PEBP4: variants seen among roughly 807,000 people sequenced by gnomAD.
PEBP4 encodes phosphatidylethanolamine-binding protein 4.
Under a neutral mutation model 23.9 loss-of-function variants are expected in PEBP4, and 22 were observed. The ratio of observed to expected loss-of-function variants is 0.92; its 90% CI spans 0.66 to 1.31. The LOEUF (loss-of-function observed/expected upper bound fraction) is 1.31, where lower values mean the gene tolerates loss of function less well. Ranked by LOEUF, PEBP4 falls within the 40% of genes most tolerant of loss-of-function variation. The pLI is 0.00. For missense variants in PEBP4, 324 were observed against 281.7 expected (o/e 1.15, Z -1.07); for synonymous variants, 112 against 99.3 (o/e 1.13, Z -0.76).
chr8:22,728,555 T>TTCCTTC (rs1563196300), intron 4 of PEBP4, among the ~76,000 whole-genome samples: 65 of 69,464 alleles, frequency 9.4e-4, no homozygotes, highest in African/African-American at 3.5e-3. Context: ...TTTCTTTCTT[T>TTCCTTC]CTTTCTTCCT....
chr8:22,744,269 G>A (rs1041528958), intron 4 of PEBP4, among the ~76,000 whole-genome samples: 2 of 152,216 alleles, frequency 1.3e-5, no homozygotes, highest in Non-Finnish European at 2.9e-5. Context: ...GAGGGAGGTG[G>A]GATGAGCAGA....
rs1312039733 is a variant in PEBP4, at chr8:22,850,879, A to G, written c.259-33144T>C. ...GATCCAAGTTTAGAAAAGAGTTGGA[A>G]TAGACTTGGGTTCAGACACGGCTTC... On this transcript the variant is annotated intron_variant, in intron 3 of 6. Transcript: ENST00000256404. Among the ~76,000 whole-genome samples, 3 of 152,216 alleles carry G rather than the reference A, an allele frequency of 2.0e-5. No homozygotes were observed. The East Asian group carries it at 5.8e-4, about 29-fold the overall frequency.
rs192783831 is a variant in PEBP4 at position 22,719,091 on chromosome 8, G to T, written c.518-5555C>A. 1.2e-3 allele frequency among the ~76,000 whole-genome samples: 187 copies of T among 152,282 alleles called. 1 individual carries two copies. Among genetic ancestry groups the T allele is most frequent in the African/African-American group, 4.3e-3 (178 of 41,544 alleles). ...CGTCTCTCCTCTCTGACCCCTGTGG[G>T]TGGGTGGTTCCACCTCTGAGCTGCC... is the stretch of plus-strand genomic sequence containing the variant. On this transcript the variant is annotated intron_variant, in intron 6 of 6. Coordinates refer to ENST00000256404, the MANE Select transcript of PEBP4 (RefSeq NM_144962.3).
chr8:22,852,460 A>G lies in PEBP4; in HGVS notation c.259-34725T>C, dbSNP rs559829382. Among the ~76,000 whole-genome samples, 89 of 152,276 alleles carry G rather than the reference A, an allele frequency of 5.8e-4. 2 individuals carry two copies. The highest frequency in any genetic ancestry group is 5.8e-3 in the South Asian group (28 of 4,816). On this transcript the variant is annotated intron_variant, in intron 3 of 6. Transcript: ENST00000256404. ...CCTGATTTCTTTCCCAAACCCATGT[A>G]AAAAGGAGCAAGCCTGGGTCTCCTT...
chr8:22,901,737 G>A (rs897782268), intron 3 of PEBP4, among the ~76,000 whole-genome samples: 1 of 152,178 alleles, frequency 6.6e-6, no homozygotes, highest in Non-Finnish European at 1.5e-5. Context: ...AGTAACTCTG[G>A]CCACTGTTGA....
chr8:22,713,754 CA>C (rs1305191521), intron 6 of PEBP4, among the ~76,000 whole-genome samples: 1 of 152,354 alleles, frequency 6.6e-6, no homozygotes, highest in Admixed American at 6.5e-5. Context: ...GCCTGCTCCC[CA>C]GAGGGCAATG....
At chr8:22,828,885 A>G (rs1477768120) in intron 3 of PEBP4, among the ~76,000 whole-genome samples, 1 of 151,998 alleles carries the variant, frequency 6.6e-6, no homozygotes, top group African/African-American at 2.4e-5. Context: ...ATCGACTTCC[A>G]TAGCTACACC....
chr8:22,924,993 G>C, intron 2 of PEBP4: 1 of 985,302 alleles, frequency 1.0e-6, no homozygotes, highest in Non-Finnish European at 1.2e-6. Context: ...CCCACAAGAG[G>C]AGTGCCTTCT....
At chr8:22,932,099 A>G (rs1200982495), upstream of PEBP4, among the ~76,000 whole-genome samples, 2 of 152,218 alleles carry the variant, frequency 1.3e-5, no homozygotes, top group African/African-American at 2.4e-5. Context: ...CCCAGGAGCC[A>G]TGGGGGAAAA....
At chr8:22,940,008 A>G (rs1331123022) in intron 1 of PEBP4, among the ~76,000 whole-genome samples, 2 of 152,252 alleles carry the variant, frequency 1.3e-5, no homozygotes, top group Non-Finnish European at 2.9e-5. Flanking sequence ...GGGCTATGAA[A>G]TGGTGGTGCC....
intron 3 of PEBP4, among the ~76,000 whole-genome samples, chr8:22,892,504 T>A (rs955331894): frequency 3.3e-5 from 5 of 152,198 alleles, no homozygotes. Context: ...ATCTAACAAT[T>A]TTCTGTATTA....
chr8:22,909,101 T>C (rs1042365772), intron 3 of PEBP4, among the ~76,000 whole-genome samples: 2 of 152,190 alleles, frequency 1.3e-5, no homozygotes, highest in Non-Finnish European at 2.9e-5. Context: ...CCTTCCTGCA[T>C]TGGTGGCCCC....
At position 22,795,163 on chromosome 8, in the gene PEBP4, A is replaced by ATATTTTT. The variant is rs1563218555; in HGVS notation, c.357+22473_357+22474insAAAAATA. Among the ~76,000 whole-genome samples the ATATTTTT allele has an allele frequency of 8.4e-5, 4 of 47,344 alleles. 1 individual carries two copies. Among genetic ancestry groups the ATATTTTT allele is most frequent in the African/African-American group, 1.0e-4 (1 of 9,732 alleles). 31.1% of individuals were successfully genotyped at this position (47,344 alleles called of 152,430 possible). ...TGTGTGTATATATATATATATATATATTTTTTTTTTTTTTTTTTTTTTTTT... is the reference window on the plus strand; with the variant it reads ...TGTGTGTATATATATATATATATATATATTTTTTTTTTTTTTTTTTTTTTTTTTTTTT... On this transcript the variant is annotated intron_variant, in intron 4 of 6. Coordinates refer to ENST00000256404, the MANE Select transcript of PEBP4 (RefSeq NM_144962.3).
chr8:22,739,830 TCTG>T (rs1309950889), intron 4 of PEBP4, among the ~76,000 whole-genome samples: 2 of 152,270 alleles, frequency 1.3e-5, no homozygotes, highest in East Asian at 3.9e-4. Context: ...CTTGGCTTAC[TCTG>T]CTCTCCTCAT....
At chr8:22,791,501 G>A (rs780357915) in intron 4 of PEBP4, among the ~76,000 whole-genome samples, 1 of 151,924 alleles carries the variant, frequency 6.6e-6, no homozygotes, top group African/African-American at 2.4e-5. Flanking sequence ...ATCGACTACC[G>A]AGAAAGCTGT....
intron 2 of PEBP4, 110 bp from the exon 3 acceptor site, chr8:22,920,420 C>G: frequency 1.6e-6 from 2 of 1,224,350 alleles, no homozygotes; most frequent in South Asian, 1.8e-5. Context: ...GGGATCAAAT[C>G]CTAAACCTGC....
chr8:22,760,354 C>T (rs1053008183), intron 4 of PEBP4, among the ~76,000 whole-genome samples: 2 of 152,086 alleles, frequency 1.3e-5, no homozygotes, highest in African/African-American at 4.8e-5. Context: ...TTAAAATTGC[C>T]CCAGACTGTA....
intron 4 of PEBP4, among the ~76,000 whole-genome samples, chr8:22,811,400 T>C (rs1049080964): frequency 6.6e-6 from 1 of 152,216 alleles, no homozygotes; most frequent in Non-Finnish European, 1.5e-5. Flanking sequence ...CATCAAAAGA[T>C]AATATTCCGC....
intron 4 of PEBP4, among the ~76,000 whole-genome samples, chr8:22,731,964 C>T (rs377387067): frequency 9.2e-5 from 14 of 151,912 alleles, no homozygotes; most frequent in Admixed American, 2.6e-4. Context: ...CGTGAGCCAC[C>T]GCACCCAGCC....
Sources: gnomAD v4.1 joint callset for allele counts (sites outside exome capture counted in the v4.1 genomes callset) on GRCh38, gnomAD v4.1.1 for gene constraint, MANE v1.5 for transcripts, NCBI Gene and HGNC (gene_info 2026-07-23, HGNC 2026-07-21) for gene names.